Variants in ATG16L1 observed in about 807,000 individuals in gnomAD.
ATG16L1 encodes the protein autophagy-related protein 16-1.
In ATG16L1, 37 loss-of-function variants were observed where a neutral mutation model predicts 88.5. That is an observed-to-expected ratio of 0.42 (90% CI 0.32 to 0.55). ATG16L1 has a LOEUF of 0.55. Among genes scored for constraint, ATG16L1 ranks in the 20% least tolerant of loss-of-function variants. The pLI, the probability that ATG16L1 is intolerant of heterozygous loss-of-function variation, is 0.13. For missense variants in ATG16L1, 554 were observed against 752.8 expected (o/e 0.74, Z 3.09); for synonymous variants, 301 against 281.0 (o/e 1.07, Z -0.71).
At chr2:233,273,122 G>T in intron 7 of ATG16L1, 70 bp downstream of exon 7, 1 of 1,321,566 alleles carries the variant, frequency 7.6e-7, no homozygotes, top group South Asian at 1.2e-5. Context: ...CTGTGGACAT[G>T]ACAAAGAATG....
intron 12 of ATG16L1, among the ~76,000 whole-genome samples, chr2:233,289,558 A>T (rs555753766): frequency 1.6e-4 from 25 of 152,112 alleles, no homozygotes; most frequent in East Asian, 5.8e-4. Flanking sequence ...GCAAATTTTT[A>T]AAAAAATTTT....
intron 12 of ATG16L1, among the ~76,000 whole-genome samples, chr2:233,283,492 A>G (rs1414648174): frequency 6.6e-6 from 1 of 152,016 alleles, no homozygotes; most frequent in Non-Finnish European, 1.5e-5. Context: ...AAAAGTTAAC[A>G]CAAGCCGTTT....
chr2:233,269,843 T>C (rs915867311), intron 5 of ATG16L1, among the ~76,000 whole-genome samples, 159 bp from the exon 6 acceptor site: 3 of 152,240 alleles, frequency 2.0e-5, no homozygotes, highest in Non-Finnish European at 4.4e-5. Context: ...ACTGATGTTA[T>C]GAGTTTGGGC....
At chr2:233,264,147 A>ACTCACT in intron 4 of ATG16L1, 82 bp downstream of exon 4, 4 of 1,308,258 alleles carry the variant, frequency 3.1e-6, no homozygotes, top group Non-Finnish European at 4.4e-6. Flanking sequence ...GAGCAGGGCC[A>ACTCACT]GTGGCAGTGA....
intron 7 of ATG16L1, chr2:233,273,375 C>T (rs1698121077): frequency 2.0e-6 from 1 of 489,834 alleles, no homozygotes; most frequent in African/African-American, 1.9e-5. Context: ...CTAGGGCTTC[C>T]CCCCGCCCGC....
At chr2:233,267,060 G>A (rs13009506) in intron 5 of ATG16L1, among the ~76,000 whole-genome samples, 1 of 151,966 alleles carries the variant, frequency 6.6e-6, no homozygotes, top group Admixed American at 6.5e-5. Context: ...GTTAGAAGGT[G>A]TAAGATTGGC....
rs1288961528 is a variant in ATG16L1, at chr2:233,295,351, G to C, written c.*1001G>C. ...TACGTATAAAGTTTTAGTTCATTGGGTGTGCGAAACACCCTTTTTATCACT... is the reference window on the plus strand; with the variant it reads ...TACGTATAAAGTTTTAGTTCATTGGCTGTGCGAAACACCCTTTTTATCACT... On this transcript the variant is annotated 3_prime_UTR_variant, in exon 18 of 18. Coordinates refer to ENST00000392017, the MANE Select transcript of ATG16L1 (RefSeq NM_030803.7). 6.5e-6 allele frequency: 1 copy of C among 152,796 alleles called. No individual in the cohort carries two copies. Among genetic ancestry groups the C allele is most frequent in the Non-Finnish European group, 1.5e-5 (1 of 68,044 alleles). The allele number at this position is 152,796 out of a possible 1,614,324, so 9.5% of individuals were successfully genotyped here.
rs1280030776 is a variant in ATG16L1, at chr2:233,274,055, CCT to C, written c.851+283_851+284del. On this transcript the variant is annotated intron_variant, in intron 8 of 17. Transcript: ENST00000392017. Reference sequence around the variant, plus strand: ...TGATGCTGCCAGGTGAAACTATTATCCTCTCTTAGTCCAGCATGTGAGTGTGG... The same window carrying C: ...TGATGCTGCCAGGTGAAACTATTATCCTCTTAGTCCAGCATGTGAGTGTGG... The C allele has an allele frequency of 2.0e-5, 31 of 1,548,726 alleles. No homozygotes were observed. In the Admixed American group the frequency reaches 5.9e-4, roughly 29 times the overall value.
intron 12 of ATG16L1, among the ~76,000 whole-genome samples, chr2:233,286,643 T>TTTTTTTTTTTTTTTTTTTG (rs1553608374): frequency 5.8e-5 from 8 of 138,952 alleles, no homozygotes; most frequent in African/African-American, 1.7e-4. Flanking sequence ...TTTTTTTTTT[T>TTTTTTTTTTTTTTTTTTTG]GAGACAGTGT....
chr2:233,284,886 A>G (rs1698976230), intron 12 of ATG16L1, among the ~76,000 whole-genome samples: 2 of 152,254 alleles, frequency 1.3e-5, no homozygotes, highest in Non-Finnish European at 2.9e-5. Flanking sequence ...ATTAGATGCT[A>G]GCCAATACCT....
At chr2:233,279,619 G>T (rs924514440) in intron 10 of ATG16L1, among the ~76,000 whole-genome samples, 6 of 152,130 alleles carry the variant, frequency 3.9e-5, no homozygotes. Flanking sequence ...AATAGTTTGG[G>T]GGTCCTGTTT....
Position 233,293,289 on chromosome 2 carries a change from T to G in ATG16L1, c.1662T>G (p.Ala554=). 6.2e-7 allele frequency: 1 copy of G among 1,614,216 alleles called. No individual in the cohort carries two copies. The highest frequency in any genetic ancestry group is 1.1e-5 in the South Asian group (1 of 91,080). The change falls in exon 17 of 18, where the codon GCT becomes GCG. Residue 554 remains alanine, a synonymous_variant. Coordinates refer to ENST00000392017, the MANE Select transcript of ATG16L1 (RefSeq NM_030803.7). The part of the protein sequence containing the change: ...PDGSYVAAGS[A]EGSLYIWSVL... Reference sequence around the variant, plus strand: ...GCAGTTACGTGGCGGCAGGCTCTGCTGAGGGCTCTCTGTATATCTGGAGTG... The same window carrying G: ...GCAGTTACGTGGCGGCAGGCTCTGCGGAGGGCTCTCTGTATATCTGGAGTG...
Position 233,251,768 on chromosome 2 carries a change from G to A in ATG16L1, c.-60G>A. 6.8e-7 allele frequency: 1 copy of A among 1,461,680 alleles called. No individual in the cohort carries two copies. The highest frequency in any genetic ancestry group is 2.0e-5 in the Admixed American group (1 of 50,776). 90.5% of individuals were successfully genotyped at this position (1,461,680 alleles called of 1,614,324 possible). Reference sequence around the variant, plus strand: ...TTCTGCTGGTTGCTTCATGCTGCAGGCTGCGGCCGTCAGCCCTCGCTCGCA... The same window carrying A: ...TTCTGCTGGTTGCTTCATGCTGCAGACTGCGGCCGTCAGCCCTCGCTCGCA... On this transcript the variant is annotated 5_prime_UTR_variant, in exon 1 of 18. Transcript: ENST00000392017.
chr2:233,276,841 T>C (rs1238286311), intron 9 of ATG16L1, among the ~76,000 whole-genome samples: 1 of 152,230 alleles, frequency 6.6e-6, no homozygotes, highest in Non-Finnish European at 1.5e-5. Context: ...TGCCAGTGTT[T>C]ATGCCAGTAT....
intron 12 of ATG16L1, among the ~76,000 whole-genome samples, chr2:233,283,970 G>A (rs10196794): frequency 0.42 from 62,966 of 150,342 alleles, 14,140 homozygotes; most frequent in Middle Eastern, 0.52. Context: ...TCAGCCTCCC[G>A]AGTAGCTGGG....
At chr2:233,252,671 A>G (rs1056328743) in intron 1 of ATG16L1, among the ~76,000 whole-genome samples, 9 of 152,010 alleles carry the variant, frequency 5.9e-5, no homozygotes, top group Non-Finnish European at 1.2e-4. Context: ...TATAGGCGTG[A>G]GCCACCGAGC....
At chr2:233,256,729 C>G (rs1337394145) in intron 2 of ATG16L1, among the ~76,000 whole-genome samples, 2 of 149,604 alleles carry the variant, frequency 1.3e-5, no homozygotes, top group Non-Finnish European at 3.0e-5. Context: ...CAGTCTCACT[C>G]TGTCACCCAG....
intron 10 of ATG16L1, among the ~76,000 whole-genome samples, chr2:233,279,855 C>A (rs1046319896): frequency 3.3e-5 from 5 of 151,750 alleles, no homozygotes; most frequent in Non-Finnish European, 5.9e-5. Context: ...ATTTTTTGGT[C>A]ACTTCCTACA....
At chr2:233,269,978 C>CTTT (rs35705047) in intron 5 of ATG16L1, 24 bp from the exon 6 acceptor site, 23 of 1,471,626 alleles carry the variant, frequency 1.6e-5, no homozygotes, top group South Asian at 6.6e-5. Context: ...AAATGGTGGG[C>CTTT]TTTTTTTTTT....
Sources: gnomAD v4.1 joint callset for allele counts (sites outside exome capture counted in the v4.1 genomes callset) on GRCh38, gnomAD v4.1.1 for gene constraint, MANE v1.5 for transcripts, NCBI Gene and HGNC (gene_info 2026-07-23, HGNC 2026-07-21) for gene names.